MACROH2A2: variants seen among roughly 807,000 people sequenced by gnomAD.
MACROH2A2 encodes the protein core histone macro-H2A.2.
Under a neutral mutation model 37.6 loss-of-function variants are expected in MACROH2A2, and 6 were observed. The observed-to-expected ratio is 0.16, with a 90% CI of 0.09 to 0.32. The LOEUF (loss-of-function observed/expected upper bound fraction) is 0.32, where lower values mean the gene tolerates loss of function less well. Among genes scored for constraint, MACROH2A2 ranks in the 10% least tolerant of loss-of-function variants. The pLI, the probability that MACROH2A2 is intolerant of heterozygous loss-of-function variation, is 1.00. For missense variants in MACROH2A2, 290 were observed against 485.9 expected (o/e 0.60, Z 3.79); for synonymous variants, 192 against 202.7 (o/e 0.95, Z 0.45).
intron 1 of MACROH2A2, among the ~76,000 whole-genome samples, chr10:70,056,122 A>G (rs2072014627): frequency 6.6e-6 from 1 of 152,268 alleles, no homozygotes; most frequent in African/African-American, 2.4e-5. Context: ...CAGAAAAAGT[A>G]TAGAAGATGC....
At chr10:70,096,032 C>T (rs75624780) in intron 6 of MACROH2A2, among the ~76,000 whole-genome samples, 4,464 of 152,258 alleles carry the variant, frequency 0.029, 273 homozygotes, top group East Asian at 0.21. Flanking sequence ...GCAACCAGCA[C>T]CAAGATCCTG....
At chr10:70,095,198 C>T (rs1589838738) in intron 5 of MACROH2A2, among the ~76,000 whole-genome samples, 1 of 152,104 alleles carries the variant, frequency 6.6e-6, no homozygotes, top group East Asian at 1.9e-4. Context: ...GAAACTCCGT[C>T]TCTACTAAAA....
chr10:70,061,978 T>G (rs1023867120), intron 1 of MACROH2A2, among the ~76,000 whole-genome samples: 1 of 152,202 alleles, frequency 6.6e-6, no homozygotes, highest in Non-Finnish European at 1.5e-5. Context: ...GATTTGCCCT[T>G]GGAGTTCATA....
chr10:70,111,715 G>C lies in MACROH2A2; in HGVS notation c.*32G>C. ...CACTTTCCAGCAGGGATCGGAGGAC[G>C]ACCCGAGTCCCAAGAGTGGGGTTTT... is the stretch of plus-strand genomic sequence containing the variant. On this transcript the variant is annotated 3_prime_UTR_variant, in exon 9 of 9. Coordinates refer to ENST00000373255, the MANE Select transcript of MACROH2A2 (RefSeq NM_018649.3). 6.5e-7 allele frequency: 1 copy of C among 1,546,436 alleles called. No homozygotes were observed. Among genetic ancestry groups the C allele is most frequent in the Non-Finnish European group, 8.8e-7 (1 of 1,141,912 alleles).
At chr10:70,080,691 G>A (rs886600325) in intron 2 of MACROH2A2, among the ~76,000 whole-genome samples, 2 of 151,866 alleles carry the variant, frequency 1.3e-5, no homozygotes, top group African/African-American at 4.8e-5. Flanking sequence ...AGACTAGCCT[G>A]ACCAACATGA....
intron 1 of MACROH2A2, among the ~76,000 whole-genome samples, chr10:70,068,962 C>T (rs1333966405): frequency 2.6e-5 from 4 of 152,212 alleles, no homozygotes; most frequent in Admixed American, 2.6e-4. Context: ...TCCATAAATA[C>T]TGTCTTAGAT....
chr10:70,093,881 AC>A, intron 5 of MACROH2A2, 36 bp downstream of exon 5: 2 of 1,098,230 alleles, frequency 1.8e-6, no homozygotes, highest in Non-Finnish European at 1.4e-6. Flanking sequence ...ATATTAAAAC[AC>A]CACTGTATTT....
At chr10:70,096,013 C>A (rs931715340) in intron 6 of MACROH2A2, among the ~76,000 whole-genome samples, 2 of 152,104 alleles carry the variant, frequency 1.3e-5, no homozygotes, top group Non-Finnish European at 2.9e-5. Flanking sequence ...TCAAAGTGAA[C>A]CCCACTTTGC....
At chr10:70,111,493 C>T (rs753354817) in intron 8 of MACROH2A2, 25 bp from the exon 9 acceptor site, 66 of 1,606,018 alleles carry the variant, frequency 4.1e-5, no homozygotes, top group South Asian at 1.9e-4. Flanking sequence ...AAAATGACAT[C>T]GGCTCTTCTT....
At chr10:70,064,309 G>T (rs2072066855) in intron 1 of MACROH2A2, among the ~76,000 whole-genome samples, 1 of 152,162 alleles carries the variant, frequency 6.6e-6, no homozygotes, top group African/African-American at 2.4e-5. Context: ...GACAGAGGTT[G>T]CAATGAGCCA....
At chr10:70,081,262 C>G (rs1055020242) in intron 2 of MACROH2A2, among the ~76,000 whole-genome samples, 1 of 151,966 alleles carries the variant, frequency 6.6e-6, no homozygotes, top group Non-Finnish European at 1.5e-5. Flanking sequence ...TAGCACCGCT[C>G]GGCACACATG....
chr10:70,103,373 T>A (rs769322659), intron 7 of MACROH2A2, among the ~76,000 whole-genome samples: 1 of 152,142 alleles, frequency 6.6e-6, no homozygotes, highest in Non-Finnish European at 1.5e-5. Flanking sequence ...CACTTCTTTT[T>A]TAAATTATTT....
chr10:70,089,795 G>A (rs1308147918), intron 2 of MACROH2A2, among the ~76,000 whole-genome samples: 1 of 151,092 alleles, frequency 6.6e-6, no homozygotes, highest in Non-Finnish European at 1.5e-5. Context: ...GTCTCACTCT[G>A]TTGCCCAGGC....
At chr10:70,088,142 TCA>T (rs141228845) in intron 2 of MACROH2A2, among the ~76,000 whole-genome samples, 115 of 149,320 alleles carry the variant, frequency 7.7e-4, no homozygotes, top group Non-Finnish European at 1.5e-3. Flanking sequence ...GCCTGCACAC[TCA>T]CACACACACA....
chr10:70,071,110 G>A (rs1326276555), intron 1 of MACROH2A2, among the ~76,000 whole-genome samples: 1 of 152,072 alleles, frequency 6.6e-6, no homozygotes, highest in Non-Finnish European at 1.5e-5. Flanking sequence ...TGTGCACAGG[G>A]GGTGTCCCTG....
Position 70,084,033 on chromosome 10 carries a change from C to T in MACROH2A2, c.173-6027C>T, listed in dbSNP as rs114092612. 7.1e-3 allele frequency among the ~76,000 whole-genome samples: 1,083 copies of T among 152,024 alleles called. 15 individuals are homozygous for T. Among genetic ancestry groups the T allele is most frequent in the African/African-American group, 0.024 (1,014 of 41,456 alleles). On this transcript the variant is annotated intron_variant, in intron 2 of 8. Coordinates refer to ENST00000373255, the MANE Select transcript of MACROH2A2 (RefSeq NM_018649.3). ...TTTTGATGATGAGAAAATGTTCTGTCATATAATACATTTTCAACTGACCAG... is the reference window on the plus strand; with the variant it reads ...TTTTGATGATGAGAAAATGTTCTGTTATATAATACATTTTCAACTGACCAG...
At chr10:70,088,604 G>A (rs1435613220) in intron 2 of MACROH2A2, among the ~76,000 whole-genome samples, 7 of 152,216 alleles carry the variant, frequency 4.6e-5, no homozygotes, top group Admixed American at 1.3e-4. Context: ...GCCAAGTGGC[G>A]TGTTTGTTAA....
chr10:70,060,572 C>T (rs550003905), intron 1 of MACROH2A2, among the ~76,000 whole-genome samples: 1 of 152,182 alleles, frequency 6.6e-6, no homozygotes, highest in South Asian at 2.1e-4. Flanking sequence ...TCAGGCACAC[C>T]AAGGCATACA....
intron 4 of MACROH2A2, among the ~76,000 whole-genome samples, chr10:70,092,690 C>T (rs1332996523): frequency 6.6e-6 from 1 of 152,160 alleles, no homozygotes; most frequent in African/African-American, 2.4e-5. Context: ...TGGGTCTTCT[C>T]TAGGTTTCCA....
Sources: gnomAD v4.1 joint callset for allele counts (sites outside exome capture counted in the v4.1 genomes callset) on GRCh38, gnomAD v4.1.1 for gene constraint, MANE v1.5 for transcripts, NCBI Gene and HGNC (gene_info 2026-07-23, HGNC 2026-07-21) for gene names.